RBM28: variants seen among roughly 807,000 people sequenced by gnomAD.
RBM28 encodes RNA-binding protein 28.
A neutral mutation model predicts 98.3 loss-of-function variants in RBM28; 78 were observed. The ratio of observed to expected loss-of-function variants is 0.79; its 90% CI spans 0.66 to 0.96. RBM28 has a LOEUF of 0.96. RBM28 is among the 40% of genes least tolerant of loss of function. RBM28 has a pLI of 0.00. For missense variants in RBM28, 838 were observed against 913.0 expected, an observed-to-expected ratio of 0.92 and a Z score of 1.06; for synonymous variants, 306 against 330.9, an observed-to-expected ratio of 0.92 and a Z score of 0.82.
chr7:128,324,735 C>G, intron 11 of RBM28, 41 bp from the exon 12 acceptor site: 1 of 1,613,236 alleles, frequency 6.2e-7, no homozygotes, highest in Non-Finnish European at 8.5e-7. Flanking sequence ...ACATAATGGC[C>G]GGGCACAGTG....
rs1020375808 is a variant in RBM28 at position 128,306,770 on chromosome 7, T to A, written c.*4027A>T. 1 of 152,446 alleles carries A rather than the reference T, an allele frequency of 6.6e-6. No individual in the cohort carries two copies. 9.4% of individuals were successfully genotyped at this position (152,446 alleles called of 1,614,324 possible). On this transcript the variant is annotated 3_prime_UTR_variant, in exon 19 of 19. Transcript: ENST00000223073. ...CTTCTCAGAATTAGTTCCCAGTCTGTGCCTTCCAATCTTCCCAGTATATTC... is the reference window on the plus strand; with the variant it reads ...CTTCTCAGAATTAGTTCCCAGTCTGAGCCTTCCAATCTTCCCAGTATATTC...
intron 10 of RBM28, among the ~76,000 whole-genome samples, chr7:128,327,398 C>T (rs2116358594): frequency 6.6e-6 from 1 of 152,312 alleles, no homozygotes; most frequent in Middle Eastern, 3.4e-3. Context: ...AAGCCAGGAG[C>T]TCAATTCTTG....
Position 128,335,665 on chromosome 7 carries a change from G to T in RBM28, c.824C>A (p.Pro275Gln). Residue 275 changes from proline to glutamine, a missense_variant, in exon 8 of 19, where the codon CCA becomes CAA. Pro to Gln is a moderately conservative substitution (Grantham distance 76, BLOSUM62 -1). Coordinates refer to ENST00000223073, the MANE Select transcript of RBM28 (RefSeq NM_018077.3). The stretch of plus-strand genomic sequence containing the variant: ...ATGATCACTGCTTTTTGCAGGGGCT[G>T]GTCTCTTGACTGCTCTGCAATGGCA... ...VQIQKRAVKR[P>Q]APAKSSDHSE... 1 of 1,614,182 alleles carries T rather than the reference G, an allele frequency of 6.2e-7. No individual in the cohort carries two copies. Among genetic ancestry groups the T allele is most frequent in the South Asian group, 1.1e-5 (1 of 91,080 alleles).
rs550965376 is a variant in RBM28, at chr7:128,306,625, T to A, written c.*4172A>T. On this transcript the variant is annotated 3_prime_UTR_variant, in exon 19 of 19. Coordinates refer to ENST00000223073, the MANE Select transcript of RBM28 (RefSeq NM_018077.3). ...CACTGTGGCAGTGAAGTCTCACATC[T>A]GATAAAAGGCAGTGGGCTCTGGGCA... 6.6e-6 allele frequency: 1 copy of A among 152,242 alleles called. No homozygotes were observed. The highest frequency in any genetic ancestry group is 1.5e-5 in the Non-Finnish European group (1 of 68,058). The allele number at this position is 152,242 out of a possible 1,614,324, so 9.4% of individuals were successfully genotyped here.
At position 128,343,659 on chromosome 7, in the gene RBM28, G is replaced by T; in HGVS notation, c.118+17C>A. ...CGCAGGAAACCCCAGCCCTATCCTC[G>T]ACCGCCCCGCCCCTACCTTTTTCAG... On this transcript the variant is annotated intron_variant, in intron 1 of 18. Coordinates refer to ENST00000223073, the MANE Select transcript of RBM28 (RefSeq NM_018077.3). 6.3e-7 allele frequency: 1 copy of T among 1,591,824 alleles called. No homozygotes were observed. Among genetic ancestry groups the T allele is most frequent in the South Asian group, 1.1e-5 (1 of 89,026 alleles).
chr7:128,341,519 G>A (rs781569457), intron 1 of RBM28, among the ~76,000 whole-genome samples: 1 of 152,230 alleles, frequency 6.6e-6, no homozygotes, highest in East Asian at 1.9e-4. Context: ...TGCTATTGAG[G>A]AAGACTTCAT....
At chr7:128,337,017 G>A in intron 6 of RBM28, 114 bp downstream of exon 6, 2 of 1,135,196 alleles carry the variant, frequency 1.8e-6, no homozygotes, top group Non-Finnish European at 1.3e-6. Context: ...TTACAGGCAA[G>A]AGCCACTGCA....
chr7:128,336,285 T>C (rs1417549552), intron 6 of RBM28, among the ~76,000 whole-genome samples: 2 of 152,206 alleles, frequency 1.3e-5, no homozygotes, highest in South Asian at 2.1e-4. Context: ...AAGGTTCATC[T>C]GGCCCAGACT....
Position 128,298,008 on chromosome 7 carries a change from G to T in RBM28, c.*12789C>A. 1 of 108,798 alleles carries T rather than the reference G, an allele frequency of 9.2e-6. No homozygotes were observed. Among genetic ancestry groups the T allele is most frequent in the African/African-American group, 3.2e-5 (1 of 31,396 alleles). 6.7% of individuals were successfully genotyped at this position (108,798 alleles called of 1,614,324 possible). A position where few individuals can be genotyped will look rare whatever the true frequency, so the allele number is the denominator to read the frequency against. On this transcript the variant is annotated 3_prime_UTR_variant, in exon 19 of 19. Transcript: ENST00000223073. ...ATTGAGGGGTGGGGGGAGGGGGGAG[G>T]GATAGCATTGGGAGATATACCTAAT...
At chr7:128,322,848 C>T (rs1796265672) in intron 13 of RBM28, among the ~76,000 whole-genome samples, 1 of 152,132 alleles carries the variant, frequency 6.6e-6, no homozygotes, top group Non-Finnish European at 1.5e-5. Context: ...GCACTGCCTC[C>T]TGCTGTCATT....
intron 5 of RBM28, 68 bp from the exon 6 acceptor site, chr7:128,337,270 T>C: frequency 6.8e-7 from 1 of 1,462,280 alleles, no homozygotes; most frequent in African/African-American, 1.4e-5. Context: ...AAATGACCCC[T>C]AGTCATCACA....
At chr7:128,339,197 C>T in intron 3 of RBM28, 30 bp downstream of exon 3, 1 of 1,543,178 alleles carries the variant, frequency 6.5e-7, no homozygotes, top group South Asian at 1.1e-5. Flanking sequence ...GCCTTCAAAA[C>T]ATGCAATGTT....
chr7:128,321,299 A>G lies in RBM28; in HGVS notation c.1530T>C (p.Ala510=), dbSNP rs1796227986. 2 of 1,614,212 alleles carry G rather than the reference A, an allele frequency of 1.2e-6. No homozygotes were observed. Among genetic ancestry groups the G allele is most frequent in the South Asian group, 1.1e-5 (1 of 91,086 alleles). The change falls in exon 14 of 19, where the codon GCT becomes GCC. Residue 510 remains alanine, a synonymous_variant. Coordinates refer to ENST00000223073, the MANE Select transcript of RBM28 (RefSeq NM_018077.3). ...TGCGCACCCCTTTCTCTCCACTAGTAGCACTCAGCAGCAGCTTTCTGAGCT... is the reference window on the plus strand; with the variant it reads ...TGCGCACCCCTTTCTCTCCACTAGTGGCACTCAGCAGCAGCTTTCTGAGCT... The part of the protein sequence containing the change: ...DKQLRKLLLS[A]TSGEKGVRIK...
At chr7:128,335,460 G>T in intron 8 of RBM28, 83 bp downstream of exon 8, 2 of 1,534,620 alleles carry the variant, frequency 1.3e-6, no homozygotes, top group Non-Finnish European at 1.8e-6. Flanking sequence ...TTTAAAAAGA[G>T]ATCTAAGCAG....
rs1477125733 is a variant in RBM28, at chr7:128,303,395, G to C, written c.*7402C>G. On this transcript the variant is annotated 3_prime_UTR_variant, in exon 19 of 19. Coordinates refer to ENST00000223073, the MANE Select transcript of RBM28 (RefSeq NM_018077.3). Reference sequence around the variant, plus strand: ...CTCAATAACCTTCACCAGGCTTGCTGTGAAGGTCACCTGAGATAAGAGACG... The same window carrying C: ...CTCAATAACCTTCACCAGGCTTGCTCTGAAGGTCACCTGAGATAAGAGACG... The C allele has an allele frequency of 6.6e-6, 1 of 152,194 alleles. No individual in the cohort carries two copies. Among genetic ancestry groups the C allele is most frequent in the Non-Finnish European group, 1.5e-5 (1 of 68,050 alleles). 9.4% of individuals were successfully genotyped at this position (152,194 alleles called of 1,614,324 possible). A position where few individuals can be genotyped will look rare whatever the true frequency, so the allele number is the denominator to read the frequency against.
At chr7:128,323,206 A>G (rs781054694) in intron 13 of RBM28, among the ~76,000 whole-genome samples, 2 of 152,138 alleles carry the variant, frequency 1.3e-5, no homozygotes, top group Non-Finnish European at 2.9e-5. Context: ...TTATACTGAC[A>G]CCTAATTACA....
At chr7:128,337,231 G>A (rs1008532405) in intron 5 of RBM28, 29 bp from the exon 6 acceptor site, 4 of 1,612,876 alleles carry the variant, frequency 2.5e-6, no homozygotes, top group Non-Finnish European at 3.4e-6. Context: ...GCATCAGAAA[G>A]GCTCTCCTTT....
intron 11 of RBM28, 93 bp from the exon 12 acceptor site, chr7:128,324,787 G>A (rs1209872348): frequency 1.4e-5 from 22 of 1,555,666 alleles, no homozygotes; most frequent in Non-Finnish European, 1.9e-5. Context: ...GCTGAGGCAG[G>A]TGGATCACCT....
chr7:128,321,292 C>A lies in RBM28; in HGVS notation c.1537G>T (p.Gly513Ter). The change falls in exon 14 of 19, where the codon GGA (glycine) becomes TGA (stop). Residue 513 changes from glycine to a stop codon, truncating the protein, a stop_gained. Coordinates refer to ENST00000223073, the MANE Select transcript of RBM28 (RefSeq NM_018077.3). LOFTEE classifies it high-confidence loss of function. ...LRKLLLSATS[G>*]EKGVRIKECR... ...TCCTTGATGCGCACCCCTTTCTCTC[C>A]ACTAGTAGCACTCAGCAGCAGCTTT... The A allele has an allele frequency of 6.2e-7, 1 of 1,614,214 alleles. No individual in the cohort carries two copies. Among genetic ancestry groups the A allele is most frequent in the Non-Finnish European group, 8.5e-7 (1 of 1,180,028 alleles).
Sources: gnomAD v4.1 joint callset for allele counts (sites outside exome capture counted in the v4.1 genomes callset) on GRCh38, gnomAD v4.1.1 for gene constraint, MANE v1.5 for transcripts, NCBI Gene and HGNC (gene_info 2026-07-23, HGNC 2026-07-21) for gene names.